Variants in LIX1 observed in about 807,000 individuals in gnomAD.
LIX1 encodes limb and CNS expressed 1, also known as protein limb expression 1 homolog.
Under a neutral mutation model 33.4 loss-of-function variants are expected in LIX1, and 24 were observed. That is an observed-to-expected ratio of 0.72 (90% CI 0.52 to 1.01). LIX1 has a LOEUF of 1.01. Ranked by LOEUF, LIX1 falls within the 50% of genes least tolerant of loss-of-function variation. The pLI is 0.00. For missense variants in LIX1, 311 were observed against 339.2 expected (o/e 0.92, Z 0.65); for synonymous variants, 124 against 124.0 (o/e 1.00, Z 0.00).
chr5:97,116,692 T>G (rs933447399), intron 2 of LIX1, among the ~76,000 whole-genome samples: 2 of 152,102 alleles, frequency 1.3e-5, no homozygotes, highest in African/African-American at 4.8e-5. Context: ...CTTTTTTCTT[T>G]TATTCTTTTT....
chr5:97,125,775 T>G (rs751592315), intron 1 of LIX1, among the ~76,000 whole-genome samples: 1 of 152,212 alleles, frequency 6.6e-6, no homozygotes, highest in East Asian at 1.9e-4. Flanking sequence ...AACAATCATG[T>G]GGTCTCGAGG....
chr5:97,106,617 G>A (rs1413456224), intron 3 of LIX1, among the ~76,000 whole-genome samples: 1 of 152,170 alleles, frequency 6.6e-6, no homozygotes, highest in Non-Finnish European at 1.5e-5. Flanking sequence ...CACAGGTGGG[G>A]ACTGAAGGCT....
At chr5:97,112,798 TAAAAA>T (rs534869921) in intron 2 of LIX1, among the ~76,000 whole-genome samples, 33 of 108,338 alleles carry the variant, frequency 3.0e-4, no homozygotes, top group East Asian at 2.7e-3. Context: ...AAAATTAAAG[TAAAAA>T]AAAAAAAAAA....
chr5:97,095,667 G>A (rs921994163), intron 5 of LIX1, among the ~76,000 whole-genome samples: 1 of 152,148 alleles, frequency 6.6e-6, no homozygotes, highest in East Asian at 1.9e-4. Context: ...ATGGTACATT[G>A]TCTTTTACTT....
chr5:97,105,733 T>G lies in LIX1; in HGVS notation c.388-448A>C, dbSNP rs182965685. Among the ~76,000 whole-genome samples, 50 of 152,348 alleles carry G rather than the reference T, an allele frequency of 3.3e-4. No homozygotes were observed. The East Asian group carries it at 5.4e-3, about 16-fold the overall frequency. ...CTGCCGTGATTCTTAATAGGAACTTTTCGTAATATGCTGGTGTTTAGCCTG... is the reference window on the plus strand; with the variant it reads ...CTGCCGTGATTCTTAATAGGAACTTGTCGTAATATGCTGGTGTTTAGCCTG... On this transcript the variant is annotated intron_variant, in intron 3 of 5. Transcript: ENST00000274382.
intron 4 of LIX1, among the ~76,000 whole-genome samples, chr5:97,101,007 G>A (rs756101561): frequency 5.9e-5 from 9 of 151,808 alleles, no homozygotes; most frequent in Non-Finnish European, 1.3e-4. Flanking sequence ...GGGGTGTGGT[G>A]TTTTGTTTGT....
At chr5:97,141,923 G>A (rs1748300044) in intron 1 of LIX1, among the ~76,000 whole-genome samples, 1 of 152,156 alleles carries the variant, frequency 6.6e-6, no homozygotes, top group Non-Finnish European at 1.5e-5. Context: ...GGTGATGGTG[G>A]TAGGGGGTCC....
At chr5:97,115,760 A>G (rs1747618664) in intron 2 of LIX1, among the ~76,000 whole-genome samples, 1 of 151,798 alleles carries the variant, frequency 6.6e-6, no homozygotes, top group Non-Finnish European at 1.5e-5. Context: ...CAGGATTAAA[A>G]AAAAAAAAAA....
At chr5:97,127,214 C>G (rs1747948205) in intron 1 of LIX1, among the ~76,000 whole-genome samples, 2 of 152,100 alleles carry the variant, frequency 1.3e-5, no homozygotes. Flanking sequence ...CAGTTGTTGA[C>G]TGGTGTTTAG....
chr5:97,114,420 T>G (rs188491059), intron 2 of LIX1, among the ~76,000 whole-genome samples: 1 of 152,278 alleles, frequency 6.6e-6, no homozygotes, highest in East Asian at 1.9e-4. Flanking sequence ...GACTAACTCA[T>G]TTTGGCCCTG....
At chr5:97,113,818 G>A (rs1412525696) in intron 2 of LIX1, among the ~76,000 whole-genome samples, 1 of 152,130 alleles carries the variant, frequency 6.6e-6, no homozygotes, top group Non-Finnish European at 1.5e-5. Flanking sequence ...ACTTTTATGG[G>A]TCATTTTGAT....
intron 3 of LIX1, among the ~76,000 whole-genome samples, chr5:97,106,807 T>G (rs1422138576): frequency 1.3e-5 from 2 of 152,274 alleles, no homozygotes; most frequent in East Asian, 3.8e-4. Context: ...CAATGCTCTC[T>G]GAAGAGGTAA....
chr5:97,120,952 A>T (rs186433620), intron 2 of LIX1, among the ~76,000 whole-genome samples: 18 of 152,322 alleles, frequency 1.2e-4, no homozygotes, highest in African/African-American at 4.3e-4. Context: ...TAGTATTCTT[A>T]TATTACACTC....
rs780600830 is a variant in LIX1, at chr5:97,094,706, C to A, written c.*42G>T. Reference sequence around the variant, plus strand: ...CTGCACTGAGATTCCTAATGTTAATCTGGCCTCTGCCATCACTGAGGGTAC... The same window carrying A: ...CTGCACTGAGATTCCTAATGTTAATATGGCCTCTGCCATCACTGAGGGTAC... On this transcript the variant is annotated 3_prime_UTR_variant, in exon 6 of 6. Transcript: ENST00000274382. The A allele has an allele frequency of 6.3e-7, 1 of 1,587,334 alleles. No individual in the cohort carries two copies.
intron 1 of LIX1, among the ~76,000 whole-genome samples, chr5:97,134,077 G>T (rs1748121087): frequency 6.6e-6 from 1 of 152,174 alleles, no homozygotes; most frequent in South Asian, 2.1e-4. Flanking sequence ...TGGAAAGGCT[G>T]CCATTTAAGG....
chr5:97,122,284 G>A lies in LIX1; in HGVS notation c.246+2182C>T, dbSNP rs76846761. On this transcript the variant is annotated intron_variant, in intron 2 of 5. Coordinates refer to ENST00000274382, the MANE Select transcript of LIX1 (RefSeq NM_153234.5). Reference sequence around the variant, plus strand: ...TCTTTGCATTTGTTCATGTGAACCTGGAGTTTCTCTAGCTCTTCTTTACTT... The same window carrying A: ...TCTTTGCATTTGTTCATGTGAACCTAGAGTTTCTCTAGCTCTTCTTTACTT... Among the ~76,000 whole-genome samples, 830 of 152,216 alleles carry A rather than the reference G, an allele frequency of 5.5e-3. 9 individuals carry two copies. Among genetic ancestry groups the A allele is most frequent in the African/African-American group, 0.019 (797 of 41,542 alleles).
At chr5:97,127,982 T>C (rs1212503603) in intron 1 of LIX1, among the ~76,000 whole-genome samples, 1 of 152,028 alleles carries the variant, frequency 6.6e-6, no homozygotes, top group Non-Finnish European at 1.5e-5. Flanking sequence ...CCCTCATTAT[T>C]CACTCTTTCC....
intron 1 of LIX1, among the ~76,000 whole-genome samples, chr5:97,131,986 C>A (rs549798577): frequency 1.3e-5 from 2 of 152,296 alleles, no homozygotes; most frequent in East Asian, 3.9e-4. Context: ...TGTACCTTCA[C>A]AAGAACTAGT....
chr5:97,135,193 C>T (rs565815170), intron 1 of LIX1, among the ~76,000 whole-genome samples: 2 of 152,160 alleles, frequency 1.3e-5, no homozygotes, highest in East Asian at 3.9e-4. Flanking sequence ...AATTTAAAAC[C>T]GATGAACTGT....
Sources: allele counts gnomAD v4.1 joint callset (sites outside exome capture counted in the v4.1 genomes callset), GRCh38; gene constraint gnomAD v4.1.1; transcripts MANE v1.5; gene names NCBI Gene and HGNC (gene_info 2026-07-23, HGNC 2026-07-21).